NR3C2: variants seen among roughly 807,000 people sequenced by gnomAD.
NR3C2 encodes nuclear receptor subfamily 3 group C member 2.
Under a neutral mutation model 86.4 loss-of-function variants are expected in NR3C2, and 15 were observed. The ratio of observed to expected loss-of-function variants is 0.17; its 90% confidence interval spans 0.12 to 0.27. NR3C2 has a LOEUF of 0.27. NR3C2 is among the 10% of genes least tolerant of loss of function. The pLI, the probability that NR3C2 is intolerant of heterozygous loss-of-function variation, is 1.00. For missense variants in NR3C2, 960 were observed against 1,195.6 expected (o/e 0.80, Z 2.91); for synonymous variants, 458 against 450.5 (o/e 1.02, Z -0.21).
At position 148,081,367 on chromosome 4, in the gene NR3C2, G is replaced by A. The variant is rs1279182668; in HGVS notation, c.2932C>T (p.Pro978Ser). The change falls in exon 9 of 9, where the codon CCG becomes TCG. Residue 978 changes from proline (P) to serine (S), a missense_variant. Transcript: ENST00000358102. ...LPKVESGNAK[P>S]LYFHRK Reference sequence around the variant, plus strand: ...AGTCACTTCCGGTGGAAGTAGAGCGGCTTGGCGTTCCCCGACTCCACCTTG... The same window carrying A: ...AGTCACTTCCGGTGGAAGTAGAGCGACTTGGCGTTCCCCGACTCCACCTTG... The A allele has an allele frequency of 1.2e-6, 2 of 1,614,072 alleles. No individual in the cohort carries two copies. Among genetic ancestry groups the A allele is most frequent in the Non-Finnish European group, 1.7e-6 (2 of 1,180,040 alleles).
At chr4:148,154,939 T>C in intron 4 of NR3C2, 38 bp from the exon 5 acceptor site, 7 of 1,503,350 alleles carry the variant, frequency 4.7e-6, no homozygotes, top group Non-Finnish European at 6.3e-6. Context: ...AAATTAAAAT[T>C]ATGTTTGAAA....
upstream of NR3C2, chr4:148,444,768 G>C (rs1375115952): frequency 6.1e-5 from 60 of 984,800 alleles, no homozygotes; most frequent in Non-Finnish European, 7.2e-5. Flanking sequence ...GCGGGCACCC[G>C]CCCGCCCCCA....
chr4:148,307,295 T>C (rs1181497208), intron 2 of NR3C2, among the ~76,000 whole-genome samples: 2 of 152,332 alleles, frequency 1.3e-5, no homozygotes, highest in East Asian at 3.9e-4. Context: ...TCTAACTTAC[T>C]ATAGCAGTTA....
intron 3 of NR3C2, among the ~76,000 whole-genome samples, chr4:148,215,756 A>G (rs1261411142): frequency 6.6e-6 from 1 of 151,098 alleles, no homozygotes; most frequent in Non-Finnish European, 1.5e-5. Context: ...TAAATAGTAA[A>G]TATTTTAGGC....
chr4:148,290,991 T>C (rs575554573), intron 2 of NR3C2, among the ~76,000 whole-genome samples: 223 of 152,298 alleles, frequency 1.5e-3, no homozygotes, highest in Non-Finnish European at 2.4e-3. Context: ...TCATTCACCT[T>C]TGTATACAAA....
At chr4:148,349,669 C>T (rs72656839) in intron 2 of NR3C2, among the ~76,000 whole-genome samples, 97 of 152,030 alleles carry the variant, frequency 6.4e-4, no homozygotes, top group Non-Finnish European at 1.2e-3. Flanking sequence ...ATAATAACTA[C>T]TTTCCTTAGT....
chr4:148,312,737 C>G (rs1561034699), intron 2 of NR3C2, among the ~76,000 whole-genome samples: 1 of 152,098 alleles, frequency 6.6e-6, no homozygotes, highest in Non-Finnish European at 1.5e-5. Flanking sequence ...AATAATTCAA[C>G]TTAGCTATAT....
At chr4:148,415,972 C>T (rs1290361981) in intron 2 of NR3C2, among the ~76,000 whole-genome samples, 1 of 152,056 alleles carries the variant, frequency 6.6e-6, no homozygotes, top group Non-Finnish European at 1.5e-5. Flanking sequence ...CATTTCTTCC[C>T]ACTGAGAATA....
At chr4:148,248,667 T>C (rs1268063795) in intron 3 of NR3C2, among the ~76,000 whole-genome samples, 1 of 152,216 alleles carries the variant, frequency 6.6e-6, no homozygotes, top group Non-Finnish European at 1.5e-5. Context: ...AATAGAGATC[T>C]ACCTAAACCA....
intron 3 of NR3C2, among the ~76,000 whole-genome samples, chr4:148,245,625 C>A (rs1187232002): frequency 2.6e-5 from 4 of 152,078 alleles, no homozygotes; most frequent in Admixed American, 1.3e-4. Flanking sequence ...TTGAACATAG[C>A]CTCCTAAAGC....
chr4:148,223,120 T>C (rs1031397173), intron 3 of NR3C2, among the ~76,000 whole-genome samples: 2 of 152,084 alleles, frequency 1.3e-5, no homozygotes, highest in African/African-American at 4.8e-5. Context: ...AGGACTCCGG[T>C]TCCAGCTCCA....
rs72656880 is a variant in NR3C2, at chr4:148,384,957, C to T, written c.1757+50147G>A. Among the ~76,000 whole-genome samples, 1,454 of 152,266 alleles carry T rather than the reference C, an allele frequency of 9.5e-3. 19 individuals carry two copies. The highest frequency in any genetic ancestry group is 0.033 in the African/African-American group (1,376 of 41,542). On this transcript the variant is annotated intron_variant, in intron 2 of 8. Transcript: ENST00000358102. ...CATGTAAGAATGATCTTCCAGAATA[C>T]CATTTTCCTAAGAGTAGAAAGTATG...
intron 2 of NR3C2, among the ~76,000 whole-genome samples, chr4:148,276,674 C>T (rs923604238): frequency 6.6e-6 from 1 of 152,150 alleles, no homozygotes; most frequent in African/African-American, 2.4e-5. Context: ...GGGCAACCTC[C>T]TTTTCCCACA....
intron 4 of NR3C2, among the ~76,000 whole-genome samples, chr4:148,169,523 C>T (rs1028961585): frequency 1.3e-5 from 2 of 150,838 alleles, no homozygotes; most frequent in African/African-American, 4.9e-5. Flanking sequence ...TATATAAAAT[C>T]ATGTATATAA....
intron 3 of NR3C2, among the ~76,000 whole-genome samples, chr4:148,252,548 T>A (rs1236661749): frequency 6.6e-6 from 1 of 152,208 alleles, no homozygotes; most frequent in Non-Finnish European, 1.5e-5. Context: ...ACTTTTTAAA[T>A]CTTAGGATAC....
chr4:148,175,712 TTC>T (rs1377891006), intron 4 of NR3C2, among the ~76,000 whole-genome samples: 1 of 152,224 alleles, frequency 6.6e-6, no homozygotes, highest in Non-Finnish European at 1.5e-5. Context: ...ATTTTATGCC[TTC>T]CTATGTAAAT....
Position 148,089,820 on chromosome 4 carries a change from T to C in NR3C2, c.2800-8321A>G, listed in dbSNP as rs985623308. Among the ~76,000 whole-genome samples the C allele has an allele frequency of 3.9e-5, 6 of 152,236 alleles. No homozygotes were observed. The East Asian group carries it at 1.2e-3, about 29-fold the overall frequency. On this transcript the variant is annotated intron_variant, in intron 8 of 8. Transcript: ENST00000358102. ...AGTGCCAACTGCTGGGTGGGGATGC[T>C]TCCATCAGGCTAGCAGAGTCCTGCA...
intron 2 of NR3C2, among the ~76,000 whole-genome samples, chr4:148,341,190 T>C (rs1294146627): frequency 1.3e-5 from 2 of 152,146 alleles, no homozygotes; most frequent in African/African-American, 4.8e-5. Flanking sequence ...AACTATTCAA[T>C]AGCCGTGATA....
chr4:148,137,327 A>G (rs1055522971), intron 6 of NR3C2, among the ~76,000 whole-genome samples: 5 of 152,108 alleles, frequency 3.3e-5, no homozygotes, highest in Non-Finnish European at 5.9e-5. Flanking sequence ...GTGTGATGTG[A>G]TCTTAGGTAA....
Sources: gnomAD v4.1 joint callset for allele counts (sites outside exome capture counted in the v4.1 genomes callset) on GRCh38, gnomAD v4.1.1 for gene constraint, MANE v1.5 for transcripts, NCBI Gene and HGNC (gene_info 2026-07-23, HGNC 2026-07-21) for gene names.